CACNA1E: variants seen among roughly 807,000 people sequenced by gnomAD.
CACNA1E encodes voltage-dependent R-type calcium channel subunit alpha-1E.
In CACNA1E, 40 loss-of-function variants were observed where a neutral mutation model predicts 259.2. That is an observed-to-expected ratio of 0.15 (90% CI 0.12 to 0.20). The LOEUF is 0.20. CACNA1E is among the 10% of genes least tolerant of loss of function. The pLI, the probability that CACNA1E is intolerant of heterozygous loss-of-function variation, is 1.00. For missense variants in CACNA1E, 1,874 were observed against 3,040.1 expected (o/e 0.62, Z 9.02); for synonymous variants, 1,104 against 1,138.5 (o/e 0.97, Z 0.61).
intron 7 of CACNA1E, among the ~76,000 whole-genome samples, chr1:181,655,571 A>G (rs1343948262): frequency 1.3e-5 from 2 of 152,186 alleles, no homozygotes; most frequent in African/African-American, 4.8e-5. Context: ...CATTTTGAAA[A>G]AGTTACTGGT....
At chr1:181,610,627 G>A (rs1335111119) in intron 6 of CACNA1E, among the ~76,000 whole-genome samples, 1 of 152,122 alleles carries the variant, frequency 6.6e-6, no homozygotes, top group African/African-American at 2.4e-5. Context: ...ATCATCTAAG[G>A]TCTTATTTGC....
chr1:181,610,978 A>G (rs1271909162), intron 6 of CACNA1E, among the ~76,000 whole-genome samples: 2 of 152,198 alleles, frequency 1.3e-5, no homozygotes, highest in African/African-American at 4.8e-5. Flanking sequence ...CAGAAGAGTT[A>G]ATAACTCACC....
At chr1:181,649,977 A>G (rs2102054814) in intron 6 of CACNA1E, among the ~76,000 whole-genome samples, 1 of 152,308 alleles carries the variant, frequency 6.6e-6, no homozygotes, top group South Asian at 2.1e-4. Flanking sequence ...TATATAACAA[A>G]CCTGCACATG....
rs181816581 is a variant in CACNA1E, at chr1:181,712,242, C to G, written c.1171+1173C>G. Among the ~76,000 whole-genome samples the G allele has an allele frequency of 1.2e-3, 179 of 152,226 alleles. 1 individual carries two copies. Among genetic ancestry groups the G allele is most frequent in the Admixed American group, 5.0e-3 (76 of 15,282 alleles). Reference sequence around the variant, plus strand: ...TCAATAAAAGGGACGGGTTTGCTTTCTTTATTATTTTAAAGGTTGGTTTGC... The same window carrying G: ...TCAATAAAAGGGACGGGTTTGCTTTGTTTATTATTTTAAAGGTTGGTTTGC... On this transcript the variant is annotated intron_variant, in intron 8 of 47. Coordinates refer to ENST00000367573, the MANE Select transcript of CACNA1E (RefSeq NM_001205293.3).
intron 6 of CACNA1E, among the ~76,000 whole-genome samples, chr1:181,597,722 C>T (rs1653333086): frequency 6.6e-6 from 1 of 152,202 alleles, no homozygotes; most frequent in South Asian, 2.1e-4. Flanking sequence ...CTTACAGTTC[C>T]ACATGGCTGG....
chr1:181,724,818 T>C (rs1045188692), intron 17 of CACNA1E, among the ~76,000 whole-genome samples: 1 of 152,212 alleles, frequency 6.6e-6, no homozygotes. Flanking sequence ...TCCAGGATCA[T>C]CATGGAGAGT....
At chr1:181,563,105 T>A (rs1649482554) in intron 3 of CACNA1E, among the ~76,000 whole-genome samples, 1 of 152,218 alleles carries the variant, frequency 6.6e-6, no homozygotes, top group Non-Finnish European at 1.5e-5. Flanking sequence ...TTCATTTTGA[T>A]GCTCGACAGA....
chr1:181,617,282 ATT>A (rs144648847), intron 6 of CACNA1E, among the ~76,000 whole-genome samples: 13 of 144,066 alleles, frequency 9.0e-5, no homozygotes, highest in South Asian at 8.7e-4. Flanking sequence ...TATGAGCAGC[ATT>A]TTTTTTTTTT....
In CACNA1E at chr1:181,380,938, C is replaced by T. The variant is rs181062452; in HGVS notation, c.-14-32195C>T. On this transcript the variant is annotated intron_variant, in intron 1 of 11. Coordinates refer to the CACNA1E transcript ENST00000524607. ...CCAGCAGCACTTTGAGAGGCCAAGG[C>T]GGGTGGATCACGAGGTCGGGAGTTT... 4.3e-4 allele frequency among the ~76,000 whole-genome samples: 65 copies of T among 152,280 alleles called. 1 individual carries two copies. The East Asian group carries it at 8.5e-3, about 20-fold the overall frequency.
intron 7 of CACNA1E, among the ~76,000 whole-genome samples, chr1:181,683,366 C>T (rs1463393179): frequency 1.3e-5 from 2 of 152,202 alleles, no homozygotes; most frequent in East Asian, 1.9e-4. Flanking sequence ...GTTTTTCAGT[C>T]TCCTGCAGCA....
chr1:181,792,049 G>A (rs1439627530), intron 44 of CACNA1E, among the ~76,000 whole-genome samples: 1 of 152,034 alleles, frequency 6.6e-6, no homozygotes, highest in Non-Finnish European at 1.5e-5. Context: ...GAGGCAGGTA[G>A]GAACTAGTAG....
At position 181,739,378 on chromosome 1, in the gene CACNA1E, C is replaced by T. The variant is rs960042681; in HGVS notation, c.3719+125C>T. On this transcript the variant is annotated intron_variant, in intron 25 of 47. Coordinates refer to ENST00000367573, the MANE Select transcript of CACNA1E (RefSeq NM_001205293.3). ...GCCAAAGAATGCCCCCGCTGGAAAT[C>T]TGCTCCCCAGTCGCCCCCAGCAGAG... 3 of 732,416 alleles carry T rather than the reference C, an allele frequency of 4.1e-6. No homozygotes were observed. In the African/African-American group the frequency reaches 5.2e-5, roughly 13 times the overall value. The allele number at this position is 732,416 out of a possible 1,614,324, so 45.4% of individuals were successfully genotyped here. A position where few individuals can be genotyped will look rare whatever the true frequency, so the allele number is the denominator to read the frequency against.
rs116406474 is a variant in CACNA1E, at chr1:181,659,749, A to G, written c.1055+8308A>G. The stretch of plus-strand genomic sequence containing the variant: ...TTTGTGATCATATTTGTTCTTTGCA[A>G]TGACTCCATGCAGTATGTGGACAGT... On this transcript the variant is annotated intron_variant, in intron 7 of 47. Transcript: ENST00000367573. Among the ~76,000 whole-genome samples, 1,063 of 152,320 alleles carry G rather than the reference A, an allele frequency of 7.0e-3. 12 individuals carry two copies. Among genetic ancestry groups the G allele is most frequent in the African/African-American group, 0.025 (1,021 of 41,570 alleles).
Position 181,798,735 on chromosome 1 carries a change from G to A in CACNA1E, c.6843G>A (p.Gly2281=). The stretch of plus-strand genomic sequence containing the variant: ...GGCATAGCTGGCAGATGCCCAACGG[G>A]CACTATCGGCGGCGGAGGCGCGGGG... ...PLRHSWQMPN[G]HYRRRRRGGP... is the part of the protein sequence containing the mutation. Residue 2281 remains glycine, a synonymous_variant, in exon 48 of 48, where the codon GGG becomes GGA. Transcript: ENST00000367573. This position sits in a 1 kb window ranked among gnomAD's most constrained non-coding sequence, Gnocchi z 4.2. The A allele has an allele frequency of 6.2e-7, 1 of 1,607,296 alleles. No homozygotes were observed.
chr1:181,498,477 C>T (rs902250054), intron 1 of CACNA1E, among the ~76,000 whole-genome samples: 1 of 152,138 alleles, frequency 6.6e-6, no homozygotes, highest in Admixed American at 6.5e-5. Flanking sequence ...CCTGGGTGTG[C>T]CAGGATTTCC....
chr1:181,354,412 T>C (rs1371252762), intron 1 of CACNA1E, among the ~76,000 whole-genome samples: 1 of 152,166 alleles, frequency 6.6e-6, no homozygotes, highest in African/African-American at 2.4e-5. Flanking sequence ...AATAGTGTGC[T>C]CAGGTATGGC....
At chr1:181,594,516 A>G (rs1353893106) in intron 6 of CACNA1E, among the ~76,000 whole-genome samples, 1 of 152,210 alleles carries the variant, frequency 6.6e-6, no homozygotes, top group Non-Finnish European at 1.5e-5. Flanking sequence ...CTTGTGCCTT[A>G]GCCTCCTGAG....
chr1:181,565,998 G>C (rs547925445), intron 3 of CACNA1E, among the ~76,000 whole-genome samples: 19 of 152,288 alleles, frequency 1.2e-4, no homozygotes, highest in African/African-American at 4.3e-4. Context: ...TTATAATGTG[G>C]GATTTCCCTC....
At position 181,726,089 on chromosome 1, in the gene CACNA1E, T is replaced by C. The variant is rs1374537337; in HGVS notation, c.2167T>C (p.Phe723Leu). The C allele has an allele frequency of 6.2e-7, 1 of 1,612,852 alleles. No homozygotes were observed. Among genetic ancestry groups the C allele is most frequent in the South Asian group, 1.1e-5 (1 of 90,740 alleles). ...GGATGAACAGGAGGAAGAAGAGGCC[T>C]TCAACCAGAAACATGCACTGCAGAA... The part of the protein sequence containing the change: ...TKDEQEEEEA[F>L]NQKHALQKAK... Residue 723 changes from phenylalanine (F) to leucine (L), a missense_variant, in exon 18 of 48, where the codon TTC becomes CTC. Around this residue, in one of 14 missense-constraint regions of CACNA1E, gnomAD observed 102 missense variants for 279.4 expected, o/e 0.37. Transcript: ENST00000367573.
Sources: gnomAD v4.1 joint callset for allele counts (sites outside exome capture counted in the v4.1 genomes callset) on GRCh38, gnomAD v4.1.1 for gene constraint, gnomAD v4.1.1 regional missense constraint, Gnocchi (gnomAD v3.1) non-coding constraint, MANE v1.5 for transcripts, NCBI Gene and HGNC (gene_info 2026-07-23, HGNC 2026-07-21) for gene names.